GUSB: variants seen among roughly 807,000 people sequenced by gnomAD.
GUSB encodes the protein glucuronidase beta, also known as beta-glucuronidase.
In GUSB, 51 loss-of-function variants were observed where a neutral mutation model predicts 74.6. That is an observed-to-expected ratio of 0.68 (90% CI 0.55 to 0.86). The LOEUF (loss-of-function observed/expected upper bound fraction) is 0.86, where lower values mean the gene tolerates loss of function less well. GUSB is among the 40% of genes least tolerant of loss of function. GUSB has a pLI of 0.00. For synonymous variants in GUSB, 360 were observed against 348.3 expected (o/e 1.03, Z -0.37); for missense variants, 736 against 853.7 (o/e 0.86, Z 1.72).
Position 65,974,275 on chromosome 7 carries a change from G to A in GUSB, c.1391+20C>T, listed in dbSNP as rs1206620252. 1 of 1,613,606 alleles carries A rather than the reference G, an allele frequency of 6.2e-7. No homozygotes were observed. Among genetic ancestry groups the A allele is most frequent in the Admixed American group, 1.7e-5 (1 of 59,976 alleles). ...GGGTCTCCTTCCCACTCTAGCCGAG[G>A]GCAGGGAGGGAGCACTCACTTCAAG... On this transcript the variant is annotated intron_variant, in intron 8 of 11. Coordinates refer to ENST00000304895, the MANE Select transcript of GUSB (RefSeq NM_000181.4).
At chr7:65,964,029 C>T in intron 11 of GUSB, 1 of 435,252 alleles carries the variant, frequency 2.3e-6, no homozygotes. Flanking sequence ...GTTTTTCGTT[C>T]CTCCTTGGCT....
chr7:65,961,142 T>C (rs1790467953), intron 11 of GUSB, 79 bp from the exon 12 acceptor site: 5 of 1,344,470 alleles, frequency 3.7e-6, no homozygotes, highest in African/African-American at 1.4e-5. Context: ...GGAGCTAAGG[T>C]AGGCACTAAA....
intron 4 of GUSB, among the ~76,000 whole-genome samples, chr7:65,977,880 A>C (rs531182930): frequency 1.3e-5 from 2 of 151,954 alleles, no homozygotes; most frequent in Non-Finnish European, 2.9e-5. Flanking sequence ...ATGCAATCTC[A>C]GCTCACTGCA....
intron 10 of GUSB, among the ~76,000 whole-genome samples, chr7:65,966,802 G>C (rs911394208): frequency 1.3e-5 from 2 of 151,868 alleles, no homozygotes; most frequent in African/African-American, 4.8e-5. Flanking sequence ...AGAAAAAAAG[G>C]CTAGCACAGT....
intron 4 of GUSB, among the ~76,000 whole-genome samples, chr7:65,977,931 C>T (rs1399590736): frequency 6.6e-6 from 1 of 152,046 alleles, no homozygotes; most frequent in South Asian, 2.1e-4. Context: ...CTGCCTCAGC[C>T]TCCCGAGTCG....
chr7:65,975,235 A>C, intron 5 of GUSB, 164 bp from the exon 6 acceptor site: 1 of 670,674 alleles, frequency 1.5e-6, no homozygotes, highest in Non-Finnish European at 2.7e-6. Flanking sequence ...GACCCTGGGA[A>C]CCTGCCCTTC....
intron 9 of GUSB, among the ~76,000 whole-genome samples, chr7:65,969,811 G>C (rs1791076861): frequency 6.6e-6 from 1 of 152,174 alleles, no homozygotes; most frequent in African/African-American, 2.4e-5. Flanking sequence ...CATCAGCCAG[G>C]TGTGGGCCAG....
At chr7:65,973,185 C>T (rs376656068) in intron 8 of GUSB, among the ~76,000 whole-genome samples, 1 of 152,116 alleles carries the variant, frequency 6.6e-6, no homozygotes, top group African/African-American at 2.4e-5. Flanking sequence ...GGCACGGTGG[C>T]TCACGCCTGT....
chr7:65,977,861 A>C (rs1791690739), intron 4 of GUSB, among the ~76,000 whole-genome samples: 2 of 151,900 alleles, frequency 1.3e-5, no homozygotes, highest in South Asian at 4.2e-4. Context: ...CCTAGGCTGG[A>C]GTGCAGTGAT....
chr7:65,971,458 G>A (rs148158941), intron 8 of GUSB, among the ~76,000 whole-genome samples: 1,558 of 152,232 alleles, frequency 0.01, 33 homozygotes, highest in African/African-American at 0.035. Context: ...GGCGGGCATG[G>A]TGGCTCACGC....
Position 65,974,411 on chromosome 7 carries a change from G to T in GUSB, c.1275C>A (p.His425Gln). ...PQFFNNVSLH[H>Q]HMQVMEEVVR... The stretch of plus-strand genomic sequence containing the variant: ...CCACTTCTTCCATCACCTGCATGTG[G>T]TGATGCAGAGAAACGTTGTTGAAGA... Residue 425 changes from histidine to glutamine, a missense_variant, in exon 8 of 12, where the codon CAC becomes CAA. Transcript: ENST00000304895. 1 of 1,614,174 alleles carries T rather than the reference G, an allele frequency of 6.2e-7. No individual in the cohort carries two copies. Among genetic ancestry groups the T allele is most frequent in the Non-Finnish European group, 8.5e-7 (1 of 1,179,996 alleles).
Position 65,960,733 on chromosome 7 carries a change from C to CTT in GUSB, c.*162_*163dup. On this transcript the variant is annotated 3_prime_UTR_variant, in exon 12 of 12. Transcript: ENST00000304895. ...ACTCTTTATTTCCATAATAGAAAAT[C>CTT]TTTTATTTCCACCTTTAGTGTTCCC... The CTT allele has an allele frequency of 1.5e-6, 1 of 668,658 alleles. No individual in the cohort carries two copies. The highest frequency in any genetic ancestry group is 2.7e-6 in the Non-Finnish European group (1 of 374,184). 41.4% of individuals were successfully genotyped at this position (668,658 alleles called of 1,614,324 possible). A position where few individuals can be genotyped will look rare whatever the true frequency, so the allele number is the denominator to read the frequency against.
chr7:65,968,602 T>C (rs1790997392), intron 9 of GUSB, among the ~76,000 whole-genome samples: 1 of 152,206 alleles, frequency 6.6e-6, no homozygotes, highest in African/African-American at 2.4e-5. Context: ...TGTTTTGTTT[T>C]GGAGACAGAG....
In GUSB at chr7:65,970,333, G is replaced by T. The variant is rs1791109537; in HGVS notation, c.1425C>A (p.Pro475=). The change falls in exon 9 of 12, where the codon CCC becomes CCA. Residue 475 remains proline, a synonymous_variant. Coordinates refer to ENST00000304895, the MANE Select transcript of GUSB (RefSeq NM_000181.4). ...TGCTCACAAAGGTCACAGGCCGGGA[G>T]GGGTCCAAGGATTTGGTGTGAGCGA... ...MVIAHTKSLD[P]SRPVTFVSNS... is the part of the protein sequence containing the mutation. The T allele has an allele frequency of 6.2e-7, 1 of 1,613,350 alleles. No individual in the cohort carries two copies. Among genetic ancestry groups the T allele is most frequent in the South Asian group, 1.1e-5 (1 of 91,032 alleles).
intron 4 of GUSB, 126 bp downstream of exon 4, chr7:65,979,273 G>T: frequency 3.0e-6 from 3 of 1,000,020 alleles, no homozygotes; most frequent in Non-Finnish European, 4.8e-6. Flanking sequence ...TAGCTTCATA[G>T]GTGGAAGGGA....
Position 65,962,939 on chromosome 7 carries a change from A to G in GUSB, c.1789+1384T>C, listed in dbSNP as rs554042357. Among the ~76,000 whole-genome samples, 23 of 150,516 alleles carry G rather than the reference A, an allele frequency of 1.5e-4. No homozygotes were observed. The South Asian group carries it at 4.9e-3, about 32-fold the overall frequency. ...AGTGCTGTGATCTTAGCTCATTGCA[A>G]CCTCCATCTCCCAGGTTCAACAGAT... On this transcript the variant is annotated intron_variant, in intron 11 of 11. Coordinates refer to ENST00000304895, the MANE Select transcript of GUSB (RefSeq NM_000181.4).
intron 11 of GUSB, among the ~76,000 whole-genome samples, chr7:65,962,071 C>A (rs34994057): frequency 6.6e-6 from 1 of 152,050 alleles, no homozygotes; most frequent in Non-Finnish European, 1.5e-5. Flanking sequence ...GGGTACCCAG[C>A]TGTCTGGTAA....
At chr7:65,969,878 G>A (rs1226670362) in intron 9 of GUSB, among the ~76,000 whole-genome samples, 1 of 152,158 alleles carries the variant, frequency 6.6e-6, no homozygotes, top group Non-Finnish European at 1.5e-5. Context: ...AAATCGAAGT[G>A]CAAAAAATGC....
intron 4 of GUSB, 139 bp downstream of exon 4, chr7:65,979,260 T>C: frequency 1.1e-6 from 1 of 939,510 alleles, no homozygotes; most frequent in Non-Finnish European, 1.7e-6. Context: ...ACAGGCTGAA[T>C]TTTAGCTTCA....
Sources: gnomAD v4.1 joint callset for allele counts (sites outside exome capture counted in the v4.1 genomes callset) on GRCh38, gnomAD v4.1.1 for gene constraint, MANE v1.5 for transcripts, NCBI Gene and HGNC (gene_info 2026-07-23, HGNC 2026-07-21) for gene names.